IPO5: variants seen among roughly 807,000 people sequenced by gnomAD.
The protein encoded by IPO5 is importin 5.
A neutral mutation model predicts 143.3 loss-of-function variants in IPO5; 18 were observed. The observed-to-expected ratio is 0.13, with a 90% CI of 0.09 to 0.19. IPO5 has a LOEUF of 0.19. IPO5 is among the 10% of genes least tolerant of loss of function. The pLI is 1.00. For synonymous variants in IPO5, 477 were observed against 465.7 expected, an observed-to-expected ratio of 1.02 and a Z score of -0.31; for missense variants, 1,013 against 1,336.9, an observed-to-expected ratio of 0.76 and a Z score of 3.78.
At chr13:98,016,941 T>C (rs1455900622) in intron 25 of IPO5, 90 bp downstream of exon 25, 5 of 961,458 alleles carry the variant, frequency 5.2e-6, no homozygotes, top group Non-Finnish European at 7.4e-6. Context: ...GAAGTTAAAA[T>C]GGGTCTCAGA....
rs532738996 is a variant in IPO5 at position 98,005,180 on chromosome 13, A to C, written c.1498-950A>C. Reference sequence around the variant, plus strand: ...CCAAAGTGCTGGGATTACAGGTGTGAGTCACCGTGCCTGGCTTCTTTTTTT... The same window carrying C: ...CCAAAGTGCTGGGATTACAGGTGTGCGTCACCGTGCCTGGCTTCTTTTTTT... On this transcript the variant is annotated intron_variant, in intron 16 of 28. Transcript: ENST00000651721. 6.2e-4 allele frequency among the ~76,000 whole-genome samples: 91 copies of C among 147,662 alleles called. 2 individuals carry two copies. Among genetic ancestry groups the C allele is most frequent in the Admixed American group, 1.0e-3 (15 of 14,780 alleles).
chr13:98,000,191 A>G (rs888084863), intron 12 of IPO5, among the ~76,000 whole-genome samples: 2 of 152,082 alleles, frequency 1.3e-5, no homozygotes, highest in African/African-American at 4.8e-5. Flanking sequence ...AGGCTGAGGT[A>G]GGAGAATAGC....
At chr13:98,010,573 T>TA (rs1250791032) in intron 20 of IPO5, among the ~76,000 whole-genome samples, 2 of 152,096 alleles carry the variant, frequency 1.3e-5, no homozygotes, top group Non-Finnish European at 2.9e-5. Context: ...GAATGTTTTT[T>TA]AAACAAATGA....
In IPO5 at chr13:97,967,875, C is replaced by T. The variant is rs145353874; in HGVS notation, c.-112-1848C>T. 7.2e-3 allele frequency among the ~76,000 whole-genome samples: 1,093 copies of T among 152,306 alleles called. 18 individuals are homozygous for T. The highest frequency in any genetic ancestry group is 0.025 in the African/African-American group (1,028 of 41,558). ...CTTGATCTCCTGACCTTGTGATCCG[C>T]CCACCTCGGCCTCCCAATATGCTGG... On this transcript the variant is annotated intron_variant, in intron 2 of 28. Transcript: ENST00000651721.
chr13:97,960,716 G>A (rs976443017), intron 2 of IPO5, among the ~76,000 whole-genome samples: 4 of 151,710 alleles, frequency 2.6e-5, no homozygotes, highest in South Asian at 2.1e-4. Flanking sequence ...GCACCACTAC[G>A]CCCAGCTAAC....
intron 9 of IPO5, among the ~76,000 whole-genome samples, chr13:97,991,767 A>G (rs1181436461): frequency 6.6e-6 from 1 of 152,246 alleles, no homozygotes; most frequent in Non-Finnish European, 1.5e-5. Flanking sequence ...AAACCAGGCA[A>G]AAAATAATTT....
chr13:97,981,549 A>G (rs1434049896), intron 4 of IPO5: 1 of 247,614 alleles, frequency 4.0e-6, no homozygotes, highest in Admixed American at 5.6e-5. Context: ...GAAGCCACGT[A>G]TAGAGGTATG....
At chr13:97,968,800 C>T (rs1801820589) in intron 2 of IPO5, among the ~76,000 whole-genome samples, 3 of 152,064 alleles carry the variant, frequency 2.0e-5, no homozygotes, top group Middle Eastern at 3.4e-3. Flanking sequence ...AAACAGTTCT[C>T]GTATCTCAGC....
rs1889579242 is a variant in IPO5, at chr13:98,010,192, C to T, written c.2023C>T (p.Leu675=). ...AAGCTTTGGTATTAAAACTGCAGGACTAGAAGAAAAATCAACTGCTTGCCA... is the reference window on the plus strand; with the variant it reads ...AAGCTTTGGTATTAAAACTGCAGGATTAGAAGAAAAATCAACTGCTTGCCA... ...QQSFGIKTAG[L]EEKSTACQML... The change falls in exon 20 of 29, where the codon CTA becomes TTA. Residue 675 remains leucine, a synonymous_variant. Coordinates refer to ENST00000651721, the MANE Select transcript of IPO5 (RefSeq NM_002271.6). 4 of 1,613,768 alleles carry T rather than the reference C, an allele frequency of 2.5e-6. No individual in the cohort carries two copies. The highest frequency in any genetic ancestry group is 1.3e-5 in the African/African-American group (1 of 74,904).
intron 2 of IPO5, among the ~76,000 whole-genome samples, chr13:97,964,912 T>C (rs1885195388): frequency 6.6e-6 from 1 of 152,132 alleles, no homozygotes; most frequent in African/African-American, 2.4e-5. Context: ...TGCAGCACTA[T>C]TTACAATAGC....
At chr13:97,969,205 G>A (rs868712861) in intron 2 of IPO5, among the ~76,000 whole-genome samples, 12 of 51,454 alleles carry the variant, frequency 2.3e-4, no homozygotes, top group South Asian at 6.7e-4. Context: ...TTTTTGATAC[G>A]TAGTCTCGCT....
intron 6 of IPO5, among the ~76,000 whole-genome samples, chr13:97,987,778 G>A (rs1887493386): frequency 6.6e-6 from 1 of 152,096 alleles, no homozygotes. Context: ...GCTGAGATTA[G>A]AGGCATGAGC....
In IPO5 at chr13:98,024,037, T is replaced by G. The variant is rs909898233; in HGVS notation, c.*2215T>G. The stretch of plus-strand genomic sequence containing the variant: ...GCAAGTGATATATATTGTTTATAAA[T>G]GCAAGCTATTTCTGGAGGGGAAAAA... On this transcript the variant is annotated 3_prime_UTR_variant, in exon 29 of 29. Transcript: ENST00000651721. 2.6e-5 allele frequency: 4 copies of G among 152,234 alleles called. No homozygotes were observed. Among genetic ancestry groups the G allele is most frequent in the Non-Finnish European group, 5.9e-5 (4 of 68,048 alleles). 9.4% of individuals were successfully genotyped at this position (152,234 alleles called of 1,614,324 possible). A position where few individuals can be genotyped will look rare whatever the true frequency, so the allele number is the denominator to read the frequency against.
At chr13:97,978,367 T>C (rs1198328323) in intron 4 of IPO5, among the ~76,000 whole-genome samples, 1 of 152,222 alleles carries the variant, frequency 6.6e-6, no homozygotes, top group East Asian at 1.9e-4. Flanking sequence ...TGGATAGATA[T>C]TTATATAAGC....
chr13:98,007,130 G>A (rs1889332351), intron 17 of IPO5, among the ~76,000 whole-genome samples: 1 of 151,988 alleles, frequency 6.6e-6, no homozygotes, highest in South Asian at 2.1e-4. Flanking sequence ...ACAGGTGTGA[G>A]CCACCGCGCC....
chr13:98,019,926 T>C (rs1890367390), intron 27 of IPO5, 117 bp downstream of exon 27: 2 of 651,044 alleles, frequency 3.1e-6, no homozygotes, highest in South Asian at 1.9e-5. Context: ...TCCTCAGTTG[T>C]ATAGGTTTAT....
rs527993196 is a variant in IPO5 at position 97,986,641 on chromosome 13, C to T, written c.364+1028C>T. ...ATGGGATTACAGGCATGAGCCACTG[C>T]GCCTGGCCTACTATGTACATTTTTA... On this transcript the variant is annotated intron_variant, in intron 6 of 28. Transcript: ENST00000651721. Among the ~76,000 whole-genome samples, 6 of 152,192 alleles carry T rather than the reference C, an allele frequency of 3.9e-5. No homozygotes were observed. The East Asian group carries it at 9.7e-4, about 25-fold the overall frequency.
intron 21 of IPO5, 59 bp from the exon 22 acceptor site, chr13:98,013,983 A>ACCCTTT: frequency 2.7e-6 from 4 of 1,488,720 alleles, no homozygotes; most frequent in Non-Finnish European, 3.6e-6. Context: ...AGTGCATTGA[A>ACCCTTT]CCCTTTAACA....
rs200613403 is a variant in IPO5, at chr13:97,992,906, G to T, written c.684G>T (p.Ser228=). The part of the protein sequence containing the change: ...LPGFLQAVND[S]CYQNDDSVLK... ...ATCTTTTCTAGGCGGTAAATGACTCGTGCTACCAGAATGATGATTCTGTCC... is the reference window on the plus strand; with the variant it reads ...ATCTTTTCTAGGCGGTAAATGACTCTTGCTACCAGAATGATGATTCTGTCC... Residue 228 remains serine, a synonymous_variant, in exon 10 of 29, where the codon TCG becomes TCT. Transcript: ENST00000651721. The T allele has an allele frequency of 1.2e-6, 2 of 1,611,932 alleles. No individual in the cohort carries two copies. Among genetic ancestry groups the T allele is most frequent in the African/African-American group, 1.3e-5 (1 of 74,878 alleles).
Sources: gnomAD v4.1 joint callset for allele counts (sites outside exome capture counted in the v4.1 genomes callset) on GRCh38, gnomAD v4.1.1 for gene constraint, MANE v1.5 for transcripts, NCBI Gene and HGNC (gene_info 2026-07-23, HGNC 2026-07-21) for gene names.